The following CD247 variants were observed in gnomAD, a reference collection of about 807,000 sequenced individuals.
The protein encoded by CD247 is CD247 molecule.
A neutral mutation model predicts 30.0 loss-of-function variants in CD247; 13 were observed. The ratio of observed to expected loss-of-function variants is 0.43; its 90% confidence interval spans 0.28 to 0.69. The LOEUF is 0.69. Ranked by LOEUF, CD247 falls within the 30% of genes least tolerant of loss-of-function variation. CD247 has a pLI of 0.16. For synonymous variants in CD247, 72 were observed against 80.0 expected, an observed-to-expected ratio of 0.90 and a Z score of 0.53; for missense variants, 193 against 212.6, an observed-to-expected ratio of 0.91 and a Z score of 0.57.
rs1773539 is a variant in CD247 at position 167,435,752 on chromosome 1, G to A, written c.301-318C>T. On this transcript the variant is annotated intron_variant, in intron 4 of 7. Coordinates refer to ENST00000362089, the MANE Select transcript of CD247 (RefSeq NM_198053.3). ...CTGACAAGTGGGACTTTTGGCTGAA[G>A]ACAAAAGGAGTCACATACCATCATT... Among the ~76,000 whole-genome samples, 4,099 of 152,350 alleles carry A rather than the reference G, an allele frequency of 0.027. 75 individuals carry two copies. Among genetic ancestry groups the A allele is most frequent in the Non-Finnish European group, 0.041 (2,768 of 68,032 alleles).
intron 6 of CD247, 115 bp downstream of exon 6, chr1:167,433,905 A>G: frequency 2.0e-6 from 2 of 981,504 alleles, no homozygotes; most frequent in Non-Finnish European, 3.3e-6. Context: ...TCTGATGGCC[A>G]CCACATGGGC....
rs952962 is a variant in CD247 at position 167,434,267 on chromosome 1, A to G, written c.337-191T>C. 0.88 allele frequency: 566,916 copies of G among 646,048 alleles called. 249,296 individuals are homozygous for G. Among genetic ancestry groups the G allele is most frequent in the South Asian group, 0.91 (52,128 of 57,200 alleles). 40.0% of individuals were successfully genotyped at this position (646,048 alleles called of 1,614,324 possible). ...CAACCAGCTCCAGCCCACCCCCCTC[A>G]TCCTCAGCCCTTTGGAGTCTCCTCC... On this transcript the variant is annotated intron_variant, in intron 5 of 7. Coordinates refer to ENST00000362089, the MANE Select transcript of CD247 (RefSeq NM_198053.3).
rs543224827 is a variant in CD247, at chr1:167,491,291, G to A, written c.58+27117C>T. Among the ~76,000 whole-genome samples the A allele has an allele frequency of 7.2e-5, 11 of 152,266 alleles. No individual in the cohort carries two copies. The South Asian group carries it at 2.1e-3, about 29-fold the overall frequency. ...AAAGTTAAAAATAGAACTACTGGCC[G>A]GGCGCAGTGGCTCATGCCTGTAATC... On this transcript the variant is annotated intron_variant, in intron 1 of 7. Transcript: ENST00000362089.
chr1:167,517,342 A>G (rs1737500), intron 1 of CD247, among the ~76,000 whole-genome samples: 15,702 of 152,176 alleles, frequency 0.1, 1,694 homozygotes, highest in African/African-American at 0.27. Flanking sequence ...CAGGTGAGTT[A>G]CCAGGAGCGA....
At chr1:167,433,707 G>C (rs1472131337) in intron 6 of CD247, among the ~76,000 whole-genome samples, 1 of 152,204 alleles carries the variant, frequency 6.6e-6, no homozygotes, top group East Asian at 1.9e-4. Flanking sequence ...GGGACCTGTG[G>C]TCCTGAGCAC....
At chr1:167,510,642 T>C in intron 1 of CD247, among the ~76,000 whole-genome samples, 1 of 152,174 alleles carries the variant, frequency 6.6e-6, no homozygotes, top group Admixed American at 6.5e-5. Context: ...AAAGGGCAGG[T>C]CTAACTGAGG....
At chr1:167,463,551 A>G (rs2102034670) in intron 1 of CD247, among the ~76,000 whole-genome samples, 1 of 152,344 alleles carries the variant, frequency 6.6e-6, no homozygotes, top group South Asian at 2.1e-4. Flanking sequence ...TTTAGAATCT[A>G]GGTTTGTAAC....
At chr1:167,517,974 T>G (rs1183798199) in intron 1 of CD247, among the ~76,000 whole-genome samples, 3 of 152,186 alleles carry the variant, frequency 2.0e-5, no homozygotes, top group Non-Finnish European at 4.4e-5. Flanking sequence ...AGAAAGGGGC[T>G]GAGTGACGGA....
intron 1 of CD247, among the ~76,000 whole-genome samples, chr1:167,451,825 G>C (rs763624847): frequency 6.6e-6 from 1 of 152,330 alleles, no homozygotes; most frequent in Non-Finnish European, 1.5e-5. Flanking sequence ...GACAAGATTA[G>C]GTCGGGCGAG....
In CD247 at chr1:167,438,563, C is replaced by G. The variant is rs1316801237; in HGVS notation, c.300+7G>C. ...AGGAACACACAGGAAGGTAGAGGAA[C>G]CCCTACCGGCTTTCCCCCCATCTCA... On this transcript the variant is annotated splice_region_variant and intron_variant, in intron 4 of 7. Coordinates refer to ENST00000362089, the MANE Select transcript of CD247 (RefSeq NM_198053.3). 1.2e-6 allele frequency: 2 copies of G among 1,609,988 alleles called. No homozygotes were observed. Among genetic ancestry groups the G allele is most frequent in the Non-Finnish European group, 1.7e-6 (2 of 1,176,296 alleles).
At chr1:167,473,968 T>C (rs928205570) in intron 1 of CD247, among the ~76,000 whole-genome samples, 1 of 152,090 alleles carries the variant, frequency 6.6e-6, no homozygotes, top group Non-Finnish European at 1.5e-5. Context: ...GCCCTTTTGG[T>C]CTTCTATGCC....
intron 1 of CD247, among the ~76,000 whole-genome samples, chr1:167,469,983 G>A (rs1022556569): frequency 1.3e-5 from 2 of 151,962 alleles, no homozygotes; most frequent in African/African-American, 4.8e-5. Flanking sequence ...GTGCGATCTC[G>A]GCACACGGCA....
At chr1:167,509,890 A>G (rs1453206848) in intron 1 of CD247, among the ~76,000 whole-genome samples, 1 of 152,144 alleles carries the variant, frequency 6.6e-6, no homozygotes, top group African/African-American at 2.4e-5. Flanking sequence ...AAAAAAGGAA[A>G]GACCCCAGGC....
rs1486420277 is a variant in CD247, at chr1:167,430,867, AAG to A, written c.*812_*813del. On this transcript the variant is annotated 3_prime_UTR_variant, in exon 8 of 8. Transcript: ENST00000362089. ...TGGGTCTTCCTGCGAGGCCTTCACA[AAG>A]ATGATTTTGTCATTCGCTGAAAGCG... The A allele has an allele frequency of 2.5e-6, 1 of 398,710 alleles. No individual in the cohort carries two copies. Among genetic ancestry groups the A allele is most frequent in the African/African-American group, 2.1e-5 (1 of 48,646 alleles). The allele number at this position is 398,710 out of a possible 1,614,324, so 24.7% of individuals were successfully genotyped here.
In CD247 at chr1:167,431,042, C is replaced by T. The variant is rs1040765533; in HGVS notation, c.*639G>A. 8 of 419,956 alleles carry T rather than the reference C, an allele frequency of 1.9e-5. No individual in the cohort carries two copies. Among genetic ancestry groups the T allele is most frequent in the African/African-American group, 6.1e-5 (3 of 49,088 alleles). 26.0% of individuals were successfully genotyped at this position (419,956 alleles called of 1,614,324 possible). A position where few individuals can be genotyped will look rare whatever the true frequency, so the allele number is the denominator to read the frequency against. ...TAGCACATGGTACAGTTCAATGGTG[C>T]GGCACAGAGGCCTGAGGCAGGGAGG... On this transcript the variant is annotated 3_prime_UTR_variant, in exon 8 of 8. Coordinates refer to ENST00000362089, the MANE Select transcript of CD247 (RefSeq NM_198053.3).
intron 5 of CD247, chr1:167,434,451 A>G: frequency 2.8e-6 from 1 of 359,636 alleles, no homozygotes; most frequent in East Asian, 7.2e-5. Flanking sequence ...ACACAGCCAA[A>G]CGGGCTGTAG....
intron 1 of CD247, among the ~76,000 whole-genome samples, chr1:167,470,681 G>T (rs1449771537): frequency 6.6e-6 from 1 of 151,282 alleles, no homozygotes; most frequent in African/African-American, 2.4e-5. Context: ...ATATGTTAGG[G>T]TTTGTGTTTG....
At chr1:167,468,614 G>T (rs1017460749) in intron 1 of CD247, among the ~76,000 whole-genome samples, 1 of 152,194 alleles carries the variant, frequency 6.6e-6, no homozygotes, top group African/African-American at 2.4e-5. Flanking sequence ...TCAGTGACTT[G>T]CATAGAGAGC....
chr1:167,476,640 T>C (rs1489472506), intron 1 of CD247, among the ~76,000 whole-genome samples: 3 of 151,994 alleles, frequency 2.0e-5, no homozygotes, highest in African/African-American at 7.3e-5. Context: ...CTGTGCAACA[T>C]AGTGAAACCC....
Sources: allele counts gnomAD v4.1 joint callset (sites outside exome capture counted in the v4.1 genomes callset), GRCh38; gene constraint gnomAD v4.1.1; transcripts MANE v1.5; gene names NCBI Gene and HGNC (gene_info 2026-07-23, HGNC 2026-07-21).